Variants in TVP23A observed in about 807,000 individuals in gnomAD.
The protein encoded by TVP23A is trans-golgi network vesicle protein 23 homolog A.
TVP23A carries 21 observed loss-of-function variants against 31.7 expected under a neutral mutation model. That is an observed-to-expected ratio of 0.66 (90% CI 0.47 to 0.95). The LOEUF is 0.95. Ranked by LOEUF, TVP23A falls within the 40% of genes least tolerant of loss-of-function variation. The pLI is 0.00. For synonymous variants in TVP23A, 104 were observed against 96.0 expected (o/e 1.08, Z -0.49); for missense variants, 279 against 255.6 (o/e 1.09, Z -0.62).
At chr16:10,802,435 A>T (rs1306818785) in intron 2 of TVP23A, among the ~76,000 whole-genome samples, 1 of 151,878 alleles carries the variant, frequency 6.6e-6, no homozygotes, top group African/African-American at 2.4e-5. Context: ...ATGTGCCATC[A>T]TGCCAGGCTA....
In TVP23A at chr16:10,769,072, T is replaced by A; in HGVS notation, c.*30A>T. ...GAATCCAAGAGTTTTGTAATCTCCA[T>A]CAGTCAAAAGAAGAGAACCTCATCA... On this transcript the variant is annotated 3_prime_UTR_variant, in exon 8 of 8. Transcript: ENST00000299866. 6.2e-7 allele frequency: 1 copy of A among 1,614,052 alleles called. No homozygotes were observed. Among genetic ancestry groups the A allele is most frequent in the Non-Finnish European group, 8.5e-7 (1 of 1,180,002 alleles).
intron 3 of TVP23A, among the ~76,000 whole-genome samples, 193 bp downstream of exon 3, chr16:10,774,759 C>T (rs1054753547): frequency 6.6e-6 from 1 of 152,044 alleles, no homozygotes; most frequent in African/African-American, 2.4e-5. Context: ...TACAGGCACA[C>T]ACCACCGCGC....
downstream of TVP23A, chr16:10,757,772 G>C: frequency 6.9e-7 from 1 of 1,457,186 alleles, no homozygotes; most frequent in East Asian, 2.3e-5. This position sits in a 1 kb window ranked among gnomAD's most constrained non-coding sequence, Gnocchi z 4.1. Context: ...GAGCCAACCT[G>C]GGCAACATAG....
intron 2 of TVP23A, among the ~76,000 whole-genome samples, chr16:10,790,713 G>A (rs1009595754): frequency 6.6e-6 from 1 of 152,124 alleles, no homozygotes; most frequent in Non-Finnish European, 1.5e-5. Flanking sequence ...GTTTGTAGGG[G>A]TCCTATCCAG....
chr16:10,810,404 A>C (rs2034141319), intron 2 of TVP23A, among the ~76,000 whole-genome samples: 1 of 151,932 alleles, frequency 6.6e-6, no homozygotes, highest in Admixed American at 6.6e-5. Flanking sequence ...AAAATTAGGC[A>C]GGCGTGGTGG....
chr16:10,786,220 T>TTC (rs960741858), intron 2 of TVP23A, among the ~76,000 whole-genome samples: 7 of 152,156 alleles, frequency 4.6e-5, no homozygotes, highest in East Asian at 1.9e-4. Context: ...GATTTATTTT[T>TTC]CATCCACAGG....
downstream of TVP23A, chr16:10,763,506 C>G (rs1001157878): frequency 2.6e-5 from 4 of 152,242 alleles, no homozygotes; most frequent in African/African-American, 9.7e-5. Flanking sequence ...CAACAACATG[C>G]AGAAAAGTAC....
Position 10,809,645 on chromosome 16 carries a change from T to C in TVP23A, c.89+8458A>G, listed in dbSNP as rs1050259232. Among the ~76,000 whole-genome samples the C allele has an allele frequency of 7.2e-5, 11 of 152,196 alleles. No individual in the cohort carries two copies. The South Asian group carries it at 8.3e-4, about 11-fold the overall frequency. On this transcript the variant is annotated intron_variant, in intron 2 of 7. Coordinates refer to ENST00000299866, the MANE Select transcript of TVP23A (RefSeq NM_001079512.4). ...GTCTTCCTATAGAGCTGAGGAAACA[T>C]AGTTTTATATCAAAGCCTATTTGCA...
intron 2 of TVP23A, among the ~76,000 whole-genome samples, chr16:10,791,730 C>T (rs574177984): frequency 6.6e-6 from 1 of 152,216 alleles, no homozygotes; most frequent in South Asian, 2.1e-4. Context: ...GCCTCAGCCT[C>T]CTGAGTAGCT....
At chr16:10,790,289 T>TG (rs2033028809) in intron 2 of TVP23A, among the ~76,000 whole-genome samples, 1 of 147,542 alleles carries the variant, frequency 6.8e-6, no homozygotes, top group Admixed American at 6.8e-5. Flanking sequence ...ATTTTTTTTT[T>TG]TTTTTTTTTT....
chr16:10,799,160 C>T (rs901229487), intron 2 of TVP23A, among the ~76,000 whole-genome samples: 2 of 152,226 alleles, frequency 1.3e-5, no homozygotes, highest in Non-Finnish European at 2.9e-5. Context: ...CTCTGAGCAA[C>T]CTCTGACTAC....
chr16:10,802,912 C>G (rs9745621), intron 2 of TVP23A, among the ~76,000 whole-genome samples: 1 of 152,024 alleles, frequency 6.6e-6, no homozygotes, highest in African/African-American at 2.4e-5. Flanking sequence ...CGCAAGGATA[C>G]AGAATTAAGT....
At chr16:10,782,927 T>C (rs2032511050) in intron 2 of TVP23A, among the ~76,000 whole-genome samples, 2 of 152,102 alleles carry the variant, frequency 1.3e-5, no homozygotes, top group Admixed American at 1.3e-4. Context: ...GTGATGACAT[T>C]AGGCTCCCTT....
chr16:10,802,158 A>G (rs1490558558), intron 2 of TVP23A, among the ~76,000 whole-genome samples: 3 of 151,720 alleles, frequency 2.0e-5, no homozygotes, highest in African/African-American at 4.8e-5. Context: ...TCAGAAGCCA[A>G]CTGGAAGAGG....
chr16:10,796,075 C>T (rs569911190), intron 2 of TVP23A, among the ~76,000 whole-genome samples: 32 of 152,068 alleles, frequency 2.1e-4, no homozygotes, highest in Admixed American at 4.6e-4. Flanking sequence ...GGGCTGGGCA[C>T]GGTGGCTCAT....
intron 7 of TVP23A, 110 bp from the exon 8 acceptor site, chr16:10,769,211 G>C (rs1021171745): frequency 1.4e-5 from 13 of 942,884 alleles, no homozygotes; most frequent in Non-Finnish European, 2.0e-5. Flanking sequence ...CACAGCAAAA[G>C]GACCAGATGC....
intron 2 of TVP23A, among the ~76,000 whole-genome samples, chr16:10,815,135 T>C (rs1383872238): frequency 6.7e-6 from 1 of 149,824 alleles, no homozygotes; most frequent in African/African-American, 2.5e-5. Flanking sequence ...CTCACACCTA[T>C]AATCTCAGCA....
intron 6 of TVP23A, 108 bp downstream of exon 6, chr16:10,771,562 T>A: frequency 1.4e-6 from 2 of 1,391,452 alleles, no homozygotes; most frequent in Non-Finnish European, 2.0e-6. Flanking sequence ...AATAAAACAT[T>A]GGCAGCCTGG....
Position 10,818,237 on chromosome 16 carries a change from C to T in TVP23A, c.10-55G>A. 1 of 1,443,674 alleles carries T rather than the reference C, an allele frequency of 6.9e-7. No individual in the cohort carries two copies. Among genetic ancestry groups the T allele is most frequent in the Non-Finnish European group, 9.5e-7 (1 of 1,052,174 alleles). 89.4% of individuals were successfully genotyped at this position (1,443,674 alleles called of 1,614,324 possible). ...CCCAAGCACGGCGCACACCCCAACC[C>T]CACCCGCCCTGTCCTCCTGGGCTTG... On this transcript the variant is annotated intron_variant, in intron 1 of 7. Coordinates refer to ENST00000299866, the MANE Select transcript of TVP23A (RefSeq NM_001079512.4). The surrounding 1 kb of genome is among the most constrained non-coding windows in gnomAD (Gnocchi z 4.7).
Sources: gnomAD v4.1 joint callset for allele counts (sites outside exome capture counted in the v4.1 genomes callset) on GRCh38, gnomAD v4.1.1 for gene constraint, Gnocchi (gnomAD v3.1) non-coding constraint, MANE v1.5 for transcripts, NCBI Gene and HGNC (gene_info 2026-07-23, HGNC 2026-07-21) for gene names.